The following FAF1 variants were observed in gnomAD, a reference collection of about 807,000 sequenced individuals.
The protein encoded by FAF1 is FAS-associated factor 1.
Under a neutral mutation model 92.5 loss-of-function variants are expected in FAF1, and 25 were observed. That is an observed-to-expected ratio of 0.27 (90% CI 0.20 to 0.38). The LOEUF is 0.38. Among genes scored for constraint, FAF1 ranks in the 10% least tolerant of loss-of-function variants. The pLI is 1.00. For synonymous variants in FAF1, 234 were observed against 273.2 expected (o/e 0.86, Z 1.42); for missense variants, 636 against 793.3 (o/e 0.80, Z 2.38).
At chr1:50,649,949 A>G (rs970443822) in intron 8 of FAF1, among the ~76,000 whole-genome samples, 2 of 151,632 alleles carry the variant, frequency 1.3e-5, no homozygotes, top group African/African-American at 4.8e-5. Context: ...TGGGGGTGAC[A>G]GAGTAAGACT....
intron 3 of FAF1, 96 bp downstream of exon 3, chr1:50,801,535 C>T (rs1661989251): frequency 1.4e-6 from 1 of 694,272 alleles, no homozygotes. Context: ...TACCCCAAAT[C>T]AATGCTCTAT....
chr1:50,496,732 C>CA (rs1475977640), intron 15 of FAF1, among the ~76,000 whole-genome samples: 2 of 151,830 alleles, frequency 1.3e-5, no homozygotes, highest in South Asian at 2.1e-4. Context: ...CTACTAAATA[C>CA]AAAAAAATCA....
chr1:50,661,182 A>C (rs925130983), intron 7 of FAF1, among the ~76,000 whole-genome samples: 1 of 152,166 alleles, frequency 6.6e-6, no homozygotes, highest in African/African-American at 2.4e-5. Flanking sequence ...TTTTTAAAAA[A>C]CACTAATATT....
At chr1:50,848,144 T>C (rs1644317708) in intron 2 of FAF1, among the ~76,000 whole-genome samples, 1 of 151,910 alleles carries the variant, frequency 6.6e-6, no homozygotes, top group Non-Finnish European at 1.5e-5. Flanking sequence ...TACCAAAAAA[T>C]AATTTAAAAA....
At chr1:50,572,827 T>A (rs989197653) in intron 12 of FAF1, among the ~76,000 whole-genome samples, 1 of 152,194 alleles carries the variant, frequency 6.6e-6, no homozygotes, top group Non-Finnish European at 1.5e-5. Context: ...GGCATGAACA[T>A]CAGATTGGCT....
At chr1:50,891,391 G>A (rs930618380) in intron 1 of FAF1, among the ~76,000 whole-genome samples, 2 of 152,060 alleles carry the variant, frequency 1.3e-5, no homozygotes, top group East Asian at 1.9e-4. Flanking sequence ...GCTTTGTTCC[G>A]TTGCTGGTGA....
At position 50,729,053 on chromosome 1, in the gene FAF1, TATATA is replaced by T. The variant is rs1406042071; in HGVS notation, c.551+9805_551+9809del. 5.9e-4 allele frequency among the ~76,000 whole-genome samples: 59 copies of T among 99,604 alleles called. 1 individual carries two copies. The highest frequency in any genetic ancestry group is 2.4e-3 in the African/African-American group (58 of 24,622). 65.3% of individuals were successfully genotyped at this position (99,604 alleles called of 152,430 possible). A position where few individuals can be genotyped will look rare whatever the true frequency, so the allele number is the denominator to read the frequency against. ...ATCTATCTATATATATATATATATA[TATATA>T]TTTTTTTTTTTTTTGAGGCAGAGTT... On this transcript the variant is annotated intron_variant, in intron 6 of 18. Coordinates refer to ENST00000396153, the MANE Select transcript of FAF1 (RefSeq NM_007051.3).
intron 1 of FAF1, among the ~76,000 whole-genome samples, chr1:50,864,610 A>T (rs1364841815): frequency 2.0e-5 from 3 of 151,278 alleles, no homozygotes; most frequent in Non-Finnish European, 3.0e-5. Context: ...TATTTAATAA[A>T]TGGTGCTGGG....
chr1:50,517,432 T>A (rs1229649113), intron 15 of FAF1, among the ~76,000 whole-genome samples: 1 of 152,124 alleles, frequency 6.6e-6, no homozygotes, highest in African/African-American at 2.4e-5. Flanking sequence ...TAAGCCTAGA[T>A]TAAAAATAAC....
chr1:50,548,492 T>C (rs1386651432), intron 13 of FAF1, among the ~76,000 whole-genome samples: 1 of 152,210 alleles, frequency 6.6e-6, no homozygotes, highest in Non-Finnish European at 1.5e-5. Context: ...ACTATGACAA[T>C]GTTGACCATA....
intron 6 of FAF1, 25 bp downstream of exon 6, chr1:50,738,838 T>C: frequency 6.9e-7 from 1 of 1,442,894 alleles, no homozygotes; most frequent in Non-Finnish European, 9.6e-7. Flanking sequence ...TCATTTCATG[T>C]TCCCAGGAAA....
chr1:50,502,786 T>C (rs1647008292), intron 15 of FAF1, among the ~76,000 whole-genome samples: 2 of 152,090 alleles, frequency 1.3e-5, no homozygotes, highest in Non-Finnish European at 1.5e-5. Context: ...ATACAATATA[T>C]TGTATTTGAG....
At chr1:50,619,660 T>C (rs1279710324) in intron 8 of FAF1, among the ~76,000 whole-genome samples, 4 of 152,294 alleles carry the variant, frequency 2.6e-5, no homozygotes, top group African/African-American at 4.8e-5. Flanking sequence ...CCATTCTCTC[T>C]AGCTGCCTTT....
chr1:50,925,164 T>C (rs961569519), intron 1 of FAF1, among the ~76,000 whole-genome samples: 1 of 152,216 alleles, frequency 6.6e-6, no homozygotes, highest in South Asian at 2.1e-4. Flanking sequence ...GATAGTCATA[T>C]GCAGAGGAAT....
intron 4 of FAF1, among the ~76,000 whole-genome samples, chr1:50,781,804 G>A (rs766013174): frequency 5.9e-5 from 9 of 152,068 alleles, no homozygotes; most frequent in East Asian, 1.9e-4. Context: ...AGTGTCCTTC[G>A]CAACCAAAAT....
chr1:50,557,058 T>C (rs1649621829), intron 13 of FAF1, among the ~76,000 whole-genome samples: 1 of 152,178 alleles, frequency 6.6e-6, no homozygotes, highest in African/African-American at 2.4e-5. Flanking sequence ...CAGTAGCTCA[T>C]TTATTACTGG....
chr1:50,610,127 C>T (rs374501349), intron 8 of FAF1, among the ~76,000 whole-genome samples: 4 of 152,284 alleles, frequency 2.6e-5, no homozygotes, highest in Non-Finnish European at 4.4e-5. Context: ...TCAAATCTTC[C>T]GTGGTTCTTA....
At chr1:50,470,072 T>C (rs947697148) in intron 18 of FAF1, among the ~76,000 whole-genome samples, 3 of 152,216 alleles carry the variant, frequency 2.0e-5, no homozygotes, top group Non-Finnish European at 4.4e-5. Flanking sequence ...GCTCTTGTTT[T>C]TTAAAAAAAT....
intron 2 of FAF1, among the ~76,000 whole-genome samples, chr1:50,851,118 T>C (rs575559381): frequency 2.8e-4 from 43 of 151,260 alleles, no homozygotes; most frequent in African/African-American, 1.0e-3. Context: ...TCTCACTCTG[T>C]CACCCAGGCT....
Sources: gnomAD v4.1 joint callset for allele counts (sites outside exome capture counted in the v4.1 genomes callset) on GRCh38, gnomAD v4.1.1 for gene constraint, MANE v1.5 for transcripts, NCBI Gene and HGNC (gene_info 2026-07-23, HGNC 2026-07-21) for gene names.